The following EMID1 variants were observed in gnomAD, a reference collection of about 807,000 sequenced individuals.
The protein encoded by EMID1 is EMI domain-containing protein 1.
EMID1 carries 40 observed loss-of-function variants against 60.6 expected under a neutral mutation model. The ratio of observed to expected loss-of-function variants is 0.66; its 90% CI spans 0.51 to 0.86. EMID1 has a LOEUF of 0.86. Ranked by LOEUF, EMID1 falls within the 40% of genes least tolerant of loss-of-function variation. The probability of loss-of-function intolerance (pLI) is 0.00; values close to 1 mark genes in which losing one functional copy is unlikely to be tolerated. For synonymous variants in EMID1, 242 were observed against 231.0 expected (o/e 1.05, Z -0.43); for missense variants, 585 against 597.1 (o/e 0.98, Z 0.21).
chr22:29,214,875 G>C (rs2146141372), intron 1 of EMID1, 51 bp from the exon 2 acceptor site: 1 of 1,380,062 alleles, frequency 7.2e-7, no homozygotes. Context: ...GGAGTCCCCA[G>C]CAGGGGACCC....
rs368779312 is a variant in EMID1 at position 29,254,226 on chromosome 22, C to T, written c.1143C>T (p.Arg381=). 53 of 1,614,030 alleles carry T rather than the reference C, an allele frequency of 3.3e-5. No homozygotes were observed. The highest frequency in any genetic ancestry group is 1.6e-4 in the Middle Eastern group (1 of 6,084). ...SHWGEGLHQL[R]EALKILAERV... ...AGGGGGAGGGGTTGCACCAGCTACG[C>T]GAGGCTTTGAAGATTTTAGCTGAGA... The change falls in exon 14 of 15, where the codon CGC becomes CGT. Residue 381 remains arginine (R), a synonymous_variant. Transcript: ENST00000334018.
intron 12 of EMID1, among the ~76,000 whole-genome samples, chr22:29,240,376 A>G (rs2041108204): frequency 6.9e-6 from 1 of 145,922 alleles, no homozygotes; most frequent in South Asian, 2.4e-4. Context: ...CAGGGCTTGC[A>G]CGTCTGACAT....
At position 29,226,552 on chromosome 22, in the gene EMID1, G is replaced by C. The variant is rs753074022; in HGVS notation, c.465+1G>C. Reference sequence around the variant, plus strand: ...GCGGCTGAAGGTGCTGGAGGCCAAGGTGGGTGAGCAGCTCCCTCCTGGGTG... The same window carrying C: ...GCGGCTGAAGGTGCTGGAGGCCAAGCTGGGTGAGCAGCTCCCTCCTGGGTG... On this transcript the variant is annotated splice_donor_variant, in intron 5 of 14. Coordinates refer to ENST00000334018, the MANE Select transcript of EMID1 (RefSeq NM_133455.4). LOFTEE classifies it high-confidence loss of function. 3.3e-5 allele frequency: 53 copies of C among 1,611,392 alleles called. No homozygotes were observed. Among genetic ancestry groups the C allele is most frequent in the Non-Finnish European group, 4.2e-5 (50 of 1,178,920 alleles).
At position 29,226,083 on chromosome 22, in the gene EMID1, C is replaced by T. The variant is rs533162216; in HGVS notation, c.404-407C>T. ...ACAAGTCACGCGGGACAGTAAGTGT[C>T]GAGGCTCAGACCCAGGCTTGTCTGA... On this transcript the variant is annotated intron_variant, in intron 4 of 14. Coordinates refer to ENST00000334018, the MANE Select transcript of EMID1 (RefSeq NM_133455.4). 8.6e-5 allele frequency among the ~76,000 whole-genome samples: 13 copies of T among 152,040 alleles called. No individual in the cohort carries two copies. In the East Asian group the frequency reaches 1.7e-3, roughly 20 times the overall value.
chr22:29,258,665 ACC>A (rs934013672), intron 14 of EMID1, 150 bp from the exon 15 acceptor site: 99 of 1,265,494 alleles, frequency 7.8e-5, no homozygotes, highest in Non-Finnish European at 1.0e-4. Context: ...CAATCTGCAG[ACC>A]CCCTTTCCCA....
chr22:29,243,886 A>G (rs2041236089), intron 13 of EMID1, among the ~76,000 whole-genome samples: 1 of 151,298 alleles, frequency 6.6e-6, no homozygotes, highest in Non-Finnish European at 1.5e-5. Context: ...TGCAGAACAA[A>G]GGGAAGAATG....
intron 12 of EMID1, among the ~76,000 whole-genome samples, chr22:29,234,811 C>T (rs1489517680): frequency 6.6e-6 from 1 of 151,992 alleles, no homozygotes; most frequent in Non-Finnish European, 1.5e-5. Context: ...CTTTTAATAG[C>T]ACACCAGCTT....
chr22:29,231,009 T>C lies in EMID1; in HGVS notation c.466-11T>C. ...CCCTGGTACCCACCCCGTCCCTGTC[T>C]TCCTCTTCAGATGACCATGCTGACT... On this transcript the variant is annotated splice_polypyrimidine_tract_variant and intron_variant, in intron 5 of 14. Coordinates refer to ENST00000334018, the MANE Select transcript of EMID1 (RefSeq NM_133455.4). 6.2e-7 allele frequency: 1 copy of C among 1,611,532 alleles called. No homozygotes were observed. The highest frequency in any genetic ancestry group is 1.3e-5 in the African/African-American group (1 of 74,952).
intron 14 of EMID1, among the ~76,000 whole-genome samples, chr22:29,258,508 G>A (rs1179633172): frequency 6.6e-6 from 1 of 152,200 alleles, no homozygotes; most frequent in Non-Finnish European, 1.5e-5. Context: ...AGAAAAAGAA[G>A]CAGCCTTTCT....
In EMID1 at chr22:29,214,909, CTT is replaced by C; in HGVS notation, c.102-15_102-14del. On this transcript the variant is annotated splice_polypyrimidine_tract_variant and intron_variant, in intron 1 of 14. Coordinates refer to ENST00000334018, the MANE Select transcript of EMID1 (RefSeq NM_133455.4). ...CCTGTGTGGTACCTGAGTTTCCTCT[CTT>C]TGGGTCTGTTTCAGGAACTGGTGCT... 1 of 1,505,914 alleles carries C rather than the reference CTT, an allele frequency of 6.6e-7. No individual in the cohort carries two copies. The highest frequency in any genetic ancestry group is 9.0e-7 in the Non-Finnish European group (1 of 1,114,686). The allele number at this position is 1,505,914 out of a possible 1,614,324, so 93.3% of individuals were successfully genotyped here.
intron 5 of EMID1, among the ~76,000 whole-genome samples, chr22:29,230,331 T>C (rs890374380): frequency 9.7e-6 from 1 of 103,020 alleles, no homozygotes; most frequent in African/African-American, 3.7e-5. Flanking sequence ...AGGCTCTCCA[T>C]CTTGGAAAAA....
chr22:29,225,549 C>G (rs2040473095), intron 4 of EMID1, among the ~76,000 whole-genome samples: 1 of 152,234 alleles, frequency 6.6e-6, no homozygotes, highest in African/African-American at 2.4e-5. Flanking sequence ...GTGCCAGGCG[C>G]TTCCCATCAG....
chr22:29,255,059 C>T (rs1287667042), intron 14 of EMID1, among the ~76,000 whole-genome samples: 1 of 152,108 alleles, frequency 6.6e-6, no homozygotes, highest in Non-Finnish European at 1.5e-5. Context: ...TTCATTCACC[C>T]AGAAACTCTC....
At chr22:29,211,346 C>T (rs57917359) in intron 1 of EMID1, among the ~76,000 whole-genome samples, 3,015 of 152,172 alleles carry the variant, frequency 0.02, 108 homozygotes, top group African/African-American at 0.069. Flanking sequence ...TGTCTGTGTG[C>T]GTTTGTGTGC....
At chr22:29,246,434 G>A (rs1569001927) in intron 13 of EMID1, among the ~76,000 whole-genome samples, 1 of 151,978 alleles carries the variant, frequency 6.6e-6, no homozygotes, top group African/African-American at 2.4e-5. Context: ...GTAGGTCGGG[G>A]GCTGTCGTGG....
chr22:29,231,445 C>G (rs748534242), intron 6 of EMID1, 148 bp from the exon 7 acceptor site: 7 of 901,480 alleles, frequency 7.8e-6, no homozygotes, highest in South Asian at 5.7e-5. Flanking sequence ...TCTGCCTACC[C>G]CCCCCACCCC....
At chr22:29,257,074 G>A (rs768294667) in intron 14 of EMID1, among the ~76,000 whole-genome samples, 12 of 152,166 alleles carry the variant, frequency 7.9e-5, no homozygotes, top group Non-Finnish European at 1.2e-4. Context: ...CCATGTCCCT[G>A]GATCTGTCCC....
chr22:29,226,110 C>T (rs1389690792), intron 4 of EMID1, among the ~76,000 whole-genome samples: 1 of 152,184 alleles, frequency 6.6e-6, no homozygotes, highest in East Asian at 1.9e-4. Context: ...CTTGTCTGAG[C>T]TCTAAACTCT....
rs533883168 is a variant in EMID1 at position 29,212,630 on chromosome 22, C to T, written c.102-2296C>T. 4.6e-5 allele frequency among the ~76,000 whole-genome samples: 7 copies of T among 151,712 alleles called. 2 individuals carry two copies. The East Asian group carries it at 9.7e-4, about 21-fold the overall frequency. On this transcript the variant is annotated intron_variant, in intron 1 of 14. Transcript: ENST00000334018. ...CCAGGCTGGAATGCAATGGTGCGATCTCAGCTCACTGCCACCTCCGCCTCC... is the reference window on the plus strand; with the variant it reads ...CCAGGCTGGAATGCAATGGTGCGATTTCAGCTCACTGCCACCTCCGCCTCC...
Sources: allele counts gnomAD v4.1 joint callset (sites outside exome capture counted in the v4.1 genomes callset), GRCh38; gene constraint gnomAD v4.1.1; transcripts MANE v1.5; gene names NCBI Gene and HGNC (gene_info 2026-07-23, HGNC 2026-07-21).